The following PDE9A variants were observed in gnomAD, a reference collection of about 807,000 sequenced individuals.
The protein encoded by PDE9A is phosphodiesterase 9A.
Under a neutral mutation model 87.4 loss-of-function variants are expected in PDE9A, and 60 were observed. That is an observed-to-expected ratio of 0.69 (90% CI 0.56 to 0.85). The LOEUF (loss-of-function observed/expected upper bound fraction) is 0.85. Ranked by LOEUF, PDE9A falls within the 40% of genes least tolerant of loss-of-function variation. The probability of loss-of-function intolerance (pLI) is 0.00; values close to 1 mark genes in which losing one functional copy is unlikely to be tolerated. For synonymous variants in PDE9A, 272 were observed against 279.4 expected (o/e 0.97, Z 0.27); for missense variants, 665 against 779.0 (o/e 0.85, Z 1.74).
Position 42,759,089 on chromosome 21 carries a change from AG to A in PDE9A, c.897+5del. ...TGTCACCCTCAGGAGGTGGCTGGTGAGTGCCAAACCCGCCTTCGGTTCTTCC... is the reference window on the plus strand; with the variant it reads ...TGTCACCCTCAGGAGGTGGCTGGTGATGCCAAACCCGCCTTCGGTTCTTCC... On this transcript the variant is annotated splice_donor_5th_base_variant and intron_variant, in intron 11 of 19. Coordinates refer to ENST00000291539, the MANE Select transcript of PDE9A (RefSeq NM_002606.3). The surrounding 1 kb of genome is among the most constrained non-coding windows in gnomAD (Gnocchi z 7.2). The A allele has an allele frequency of 6.2e-7, 1 of 1,609,894 alleles. No homozygotes were observed. The highest frequency in any genetic ancestry group is 8.5e-7 in the Non-Finnish European group (1 of 1,176,202).
At chr21:42,662,486 CCATGCA>C (rs1048395389) in intron 1 of PDE9A, among the ~76,000 whole-genome samples, 11 of 149,728 alleles carry the variant, frequency 7.3e-5, no homozygotes, top group African/African-American at 1.0e-4. Flanking sequence ...CACACACACA[CCATGCA>C]CATGCACATC....
intron 8 of PDE9A, 98 bp downstream of exon 8, chr21:42,743,958 C>A: frequency 1.3e-6 from 1 of 751,936 alleles, no homozygotes; most frequent in Non-Finnish European, 2.3e-6. Flanking sequence ...AAAAGAAAGG[C>A]TGGTGCAGTT....
intron 3 of PDE9A, chr21:42,697,285 T>C: frequency 3.0e-6 from 2 of 670,300 alleles, no homozygotes; most frequent in South Asian, 3.6e-5. Flanking sequence ...TTTCACATTA[T>C]TGGTGTTTAA....
At chr21:42,769,577 T>C (rs1344467605) in intron 17 of PDE9A, among the ~76,000 whole-genome samples, 12 of 72,218 alleles carry the variant, frequency 1.7e-4, no homozygotes, top group African/African-American at 4.2e-4. Context: ...CACACACACA[T>C]GCACACAGGT....
chr21:42,670,186 TACAC>T (rs1156716983), intron 1 of PDE9A, among the ~76,000 whole-genome samples: 30 of 138,128 alleles, frequency 2.2e-4, no homozygotes, highest in Non-Finnish European at 3.4e-4. Context: ...CACATACACT[TACAC>T]ACATTCACAC....
chr21:42,681,536 G>A (rs1338867571), intron 1 of PDE9A, among the ~76,000 whole-genome samples: 2 of 152,196 alleles, frequency 1.3e-5, no homozygotes, highest in African/African-American at 2.4e-5. Context: ...CTTCTCTAAT[G>A]TAGGCAGCTT....
chr21:42,753,633 C>T (rs950328208), intron 9 of PDE9A, among the ~76,000 whole-genome samples: 1 of 151,854 alleles, frequency 6.6e-6, no homozygotes, highest in African/African-American at 2.4e-5. Flanking sequence ...GAGGCCAAGG[C>T]GGGTGGATCA....
intron 13 of PDE9A, among the ~76,000 whole-genome samples, chr21:42,761,544 G>A (rs539747661): frequency 3.3e-5 from 5 of 152,356 alleles, no homozygotes; most frequent in Admixed American, 2.0e-4. Flanking sequence ...CTGTTGAACT[G>A]TGTGTTTGTG....
chr21:42,743,875 G>T lies in PDE9A; in HGVS notation c.653+15G>T. 6.6e-7 allele frequency: 1 copy of T among 1,516,072 alleles called. No homozygotes were observed. Among genetic ancestry groups the T allele is most frequent in the Non-Finnish European group, 9.0e-7 (1 of 1,110,604 alleles). 93.9% of individuals were successfully genotyped at this position (1,516,072 alleles called of 1,614,324 possible). A position where few individuals can be genotyped will look rare whatever the true frequency, so the allele number is the denominator to read the frequency against. ...AGAAGCAGCAGGTAGGGTCTGCGCT[G>T]GGGCCACGGGCGGCCGGGCCTGGGG... On this transcript the variant is annotated intron_variant, in intron 8 of 19. Transcript: ENST00000291539.
At position 42,695,597 on chromosome 21, in the gene PDE9A, A is replaced by G. The variant is rs1328530661; in HGVS notation, c.219-3371A>G. ...ACTCTCCACCGGCTGAGCTCTGTGCATGCAGGGCCAGTATTCTCGGCCATT... is the reference window on the plus strand; with the variant it reads ...ACTCTCCACCGGCTGAGCTCTGTGCGTGCAGGGCCAGTATTCTCGGCCATT... On this transcript the variant is annotated intron_variant, in intron 3 of 19. Transcript: ENST00000291539. This position sits in a 1 kb window ranked among gnomAD's most constrained non-coding sequence, Gnocchi z 4.3. Among the ~76,000 whole-genome samples the G allele has an allele frequency of 6.6e-6, 1 of 152,222 alleles. No homozygotes were observed.
chr21:42,654,558 A>T (rs757395379), intron 1 of PDE9A, among the ~76,000 whole-genome samples: 1 of 152,176 alleles, frequency 6.6e-6, no homozygotes, highest in East Asian at 1.9e-4. Flanking sequence ...AGGGGCTCTC[A>T]TGAGCTCCCC....
intron 4 of PDE9A, among the ~76,000 whole-genome samples, chr21:42,703,582 G>T (rs1380247690): frequency 6.6e-6 from 1 of 152,224 alleles, no homozygotes; most frequent in Non-Finnish European, 1.5e-5. Context: ...AGGGATTTCT[G>T]TGTCACCTGG....
intron 9 of PDE9A, 141 bp downstream of exon 9, chr21:42,751,338 G>T (rs2054402265): frequency 2.8e-6 from 2 of 705,298 alleles, no homozygotes; most frequent in Middle Eastern, 3.6e-4. Flanking sequence ...GACGGTGCGG[G>T]TTACTTTAAG....
intron 1 of PDE9A, among the ~76,000 whole-genome samples, chr21:42,664,771 C>T (rs2057846993): frequency 1.3e-5 from 2 of 152,350 alleles, no homozygotes; most frequent in Non-Finnish European, 2.9e-5. Context: ...TCTGATGCCT[C>T]CTATTTGGGT....
In PDE9A at chr21:42,695,066, G is replaced by A. The variant is rs1048435942; in HGVS notation, c.219-3902G>A. On this transcript the variant is annotated intron_variant, in intron 3 of 19. Coordinates refer to ENST00000291539, the MANE Select transcript of PDE9A (RefSeq NM_002606.3). The surrounding 1 kb of genome is among the most constrained non-coding windows in gnomAD (Gnocchi z 4.3). ...CCTAACCCTTCCTATGCTCCTGGAC[G>A]TTTGGTGCAATCTGGAGCACGCTCA... Among the ~76,000 whole-genome samples, 10 of 152,284 alleles carry A rather than the reference G, an allele frequency of 6.6e-5. No homozygotes were observed. Among genetic ancestry groups the A allele is most frequent in the Admixed American group, 3.3e-4 (5 of 15,304 alleles).
intron 8 of PDE9A, among the ~76,000 whole-genome samples, 197 bp downstream of exon 8, chr21:42,744,057 A>G (rs951999519): frequency 6.6e-6 from 1 of 152,172 alleles, no homozygotes; most frequent in Admixed American, 6.5e-5. Context: ...TCTTCTAACA[A>G]AAGAGCACGC....
chr21:42,770,718 G>A lies in PDE9A; in HGVS notation c.1606G>A (p.Glu536Lys). ...ETVTKLFPMV[E>K]EIMLQPLWES... Reference sequence around the variant, plus strand: ...TCTCTCCCAGCTCTTCCCCATGGTTGAGGAGATCATGCTGCAGCCACTTTG... The same window carrying A: ...TCTCTCCCAGCTCTTCCCCATGGTTAAGGAGATCATGCTGCAGCCACTTTG... Residue 536 changes from glutamate to lysine, a missense_variant, in exon 18 of 20, where the codon GAG (glutamate) becomes AAG (lysine). Glu to Lys is a moderately conservative substitution (Grantham distance 56). Transcript: ENST00000291539. The A allele has an allele frequency of 6.2e-7, 1 of 1,613,604 alleles. No homozygotes were observed. The highest frequency in any genetic ancestry group is 8.5e-7 in the Non-Finnish European group (1 of 1,179,482).
At chr21:42,684,680 G>A (rs1371700592) in intron 1 of PDE9A, among the ~76,000 whole-genome samples, 3 of 152,208 alleles carry the variant, frequency 2.0e-5, no homozygotes, top group Non-Finnish European at 2.9e-5. Flanking sequence ...GCCAAAGTGG[G>A]GGCTGCTGAA....
At chr21:42,708,158 C>G (rs1331417398) in intron 4 of PDE9A, among the ~76,000 whole-genome samples, 1 of 152,174 alleles carries the variant, frequency 6.6e-6, no homozygotes, top group Non-Finnish European at 1.5e-5. Context: ...CCACAGTCAT[C>G]CTTACTTGCA....
Sources: gnomAD v4.1 joint callset for allele counts (sites outside exome capture counted in the v4.1 genomes callset) on GRCh38, gnomAD v4.1.1 for gene constraint, Gnocchi (gnomAD v3.1) non-coding constraint, MANE v1.5 for transcripts, NCBI Gene and HGNC (gene_info 2026-07-23, HGNC 2026-07-21) for gene names.